The following SLC9A7 variants were observed in gnomAD, a reference collection of about 807,000 sequenced individuals.
SLC9A7 encodes solute carrier family 9 member A7.
SLC9A7 carries 19 observed loss-of-function variants against 52.6 expected under a neutral mutation model. The ratio of observed to expected loss-of-function variants is 0.36; its 90% CI spans 0.25 to 0.53. The LOEUF (loss-of-function observed/expected upper bound fraction) is 0.53. Among genes scored for constraint, SLC9A7 ranks in the 20% least tolerant of loss-of-function variants. The pLI is 0.91. For missense variants in SLC9A7, 455 were observed against 597.9 expected (o/e 0.76, Z 2.49); for synonymous variants, 226 against 252.1 (o/e 0.90, Z 0.98).
At chrX:46,746,186 G>A (rs1921755685) in intron 1 of SLC9A7, among the ~76,000 whole-genome samples, 1 of 110,122 alleles carries the variant, frequency 9.1e-6, no homozygotes, top group Admixed American at 9.8e-5. Context: ...AAAATTAGTT[G>A]GGCGTGGTGG....
In SLC9A7 at chrX:46,750,018, T is replaced by C. The variant is rs1367496400; in HGVS notation, c.325+8687A>G. ...ATCGCTTGAACCCAGGAGGCGGAGG[T>C]TGCAATGAGCAGAGACCGTGCCACT... is the stretch of plus-strand genomic sequence containing the variant. On this transcript the variant is annotated intron_variant, in intron 1 of 16. Coordinates refer to ENST00000616978, the MANE Select transcript of SLC9A7 (RefSeq NM_001257291.2). 2.8e-5 allele frequency among the ~76,000 whole-genome samples: 3 copies of C among 108,467 alleles called. No homozygotes were observed. The East Asian group carries it at 8.7e-4, about 31-fold the overall frequency. The allele number at this position is 108,467 out of a possible 115,157, so 94.2% of individuals were successfully genotyped here.
At chrX:46,625,827 T>C (rs758349272) in intron 14 of SLC9A7, among the ~76,000 whole-genome samples, 3 of 111,715 alleles carry the variant, frequency 2.7e-5, no homozygotes, top group Non-Finnish European at 5.7e-5. Context: ...GTTGCTGGCT[T>C]TGCAGCAAGA....
intron 1 of SLC9A7, among the ~76,000 whole-genome samples, chrX:46,712,588 C>T (rs1379808468): frequency 8.9e-6 from 1 of 111,763 alleles, no homozygotes; most frequent in African/African-American, 3.3e-5. Flanking sequence ...ATATCCAAAC[C>T]ATATCAGTTA....
rs1308511826 is a variant in SLC9A7, at chrX:46,638,334, CAT to C, written c.1617-2688_1617-2687del. Among the ~76,000 whole-genome samples the C allele has an allele frequency of 1.5e-4, 17 of 111,725 alleles. No homozygotes were observed. In the Admixed American group the frequency reaches 1.6e-3, roughly 11 times the overall value. Reference sequence around the variant, plus strand: ...TCTGGAAAAATGCAACGAGCTGACACATATATATTTTTCAGTAATGGCATTAT... The same window carrying C: ...TCTGGAAAAATGCAACGAGCTGACACATATATTTTTCAGTAATGGCATTAT... On this transcript the variant is annotated intron_variant, in intron 12 of 16. Transcript: ENST00000616978.
At chrX:46,613,476 C>G in intron 15 of SLC9A7, 82 bp from the exon 16 acceptor site, 1 of 675,609 alleles carries the variant, frequency 1.5e-6, no homozygotes, top group South Asian at 3.5e-5. Flanking sequence ...GCCCGACATT[C>G]CACCCACAAA....
chrX:46,724,236 C>T (rs1944909247), intron 1 of SLC9A7, among the ~76,000 whole-genome samples: 1 of 111,616 alleles, frequency 9.0e-6, no homozygotes, highest in African/African-American at 3.3e-5. Flanking sequence ...ACCATTACCT[C>T]AATTATTCCT....
intron 1 of SLC9A7, among the ~76,000 whole-genome samples, chrX:46,715,214 A>G (rs1944751566): frequency 8.9e-6 from 1 of 111,932 alleles, no homozygotes; most frequent in Non-Finnish European, 1.9e-5. Flanking sequence ...TTTTTAAAGT[A>G]TTTATTTATA....
intron 1 of SLC9A7, among the ~76,000 whole-genome samples, chrX:46,696,080 G>A (rs1209009968): frequency 1.8e-5 from 2 of 110,196 alleles, no homozygotes; most frequent in Non-Finnish European, 3.8e-5. Flanking sequence ...CCACCTCCTG[G>A]GTTCAAGCGA....
At position 46,754,716 on chromosome X, in the gene SLC9A7, C is replaced by G. The variant is rs149027133; in HGVS notation, c.325+3989G>C. Among the ~76,000 whole-genome samples the G allele has an allele frequency of 3.0e-3, 330 of 111,377 alleles. 2 individuals carry two copies. Among genetic ancestry groups the G allele is most frequent in the Middle Eastern group, 0.014 (3 of 218 alleles). Reference sequence around the variant, plus strand: ...TGGTGGAGGAGGAGGAAGCGAGAAGCAGGTGGTGGGTTAGCATGGCAGAGT... The same window carrying G: ...TGGTGGAGGAGGAGGAAGCGAGAAGGAGGTGGTGGGTTAGCATGGCAGAGT... On this transcript the variant is annotated intron_variant, in intron 1 of 16. Transcript: ENST00000616978.
chrX:46,713,841 T>G (rs192285851), intron 1 of SLC9A7, among the ~76,000 whole-genome samples: 1 of 110,392 alleles, frequency 9.1e-6, no homozygotes, highest in African/African-American at 3.3e-5. Context: ...TCAAAACGTT[T>G]TGGAGAAGTG....
intron 1 of SLC9A7, among the ~76,000 whole-genome samples, chrX:46,716,436 G>A (rs940926601): frequency 1.5e-4 from 17 of 111,645 alleles, no homozygotes; most frequent in African/African-American, 6.5e-5. Context: ...ACCCTGAGAC[G>A]ACTTAGGCAG....
At chrX:46,698,683 C>T (rs373643476) in intron 1 of SLC9A7, among the ~76,000 whole-genome samples, 3 of 112,114 alleles carry the variant, frequency 2.7e-5, no homozygotes, top group South Asian at 7.3e-4. Context: ...ATTTATATTC[C>T]AGTGCCTAAA....
chrX:46,723,790 A>G (rs1018400745), intron 1 of SLC9A7, among the ~76,000 whole-genome samples: 1 of 112,352 alleles, frequency 8.9e-6, no homozygotes, highest in African/African-American at 3.2e-5. Flanking sequence ...TGACTCAGTC[A>G]TAACAATGAC....
chrX:46,653,819 T>C, intron 7 of SLC9A7, 105 bp from the exon 8 acceptor site: 1 of 514,037 alleles, frequency 1.9e-6, no homozygotes. Context: ...AGCCTTTCCC[T>C]TCAACCTTTT....
At chrX:46,725,128 G>T (rs1944921628) in intron 1 of SLC9A7, 3 of 635,796 alleles carry the variant, frequency 4.7e-6, no homozygotes, top group Non-Finnish European at 8.0e-6. Context: ...ATATGTGTTT[G>T]TTTTACAAGA....
At chrX:46,649,070 A>ATATCTATATATCTATCTATC (rs1943540724) in intron 10 of SLC9A7, among the ~76,000 whole-genome samples, 1 of 105,365 alleles carries the variant, frequency 9.5e-6, no homozygotes, top group African/African-American at 3.5e-5. Context: ...AATTCAACTG[A>ATATCTATATATCTATCTATC]TATCTATCTA....
intron 7 of SLC9A7, among the ~76,000 whole-genome samples, chrX:46,661,236 G>T (rs1162750823): frequency 1.8e-5 from 2 of 109,377 alleles, no homozygotes; most frequent in African/African-American, 3.3e-5. Flanking sequence ...GTGGGGGAAG[G>T]GGGGAGGGAT....
At chrX:46,708,958 C>T in intron 1 of SLC9A7, among the ~76,000 whole-genome samples, 1 of 111,703 alleles carries the variant, frequency 9.0e-6, no homozygotes, top group Non-Finnish European at 1.9e-5. Flanking sequence ...ATAGGGCTTA[C>T]ATTCTAGCAG....
intron 1 of SLC9A7, among the ~76,000 whole-genome samples, chrX:46,739,576 G>C (rs1177190540): frequency 9.0e-6 from 1 of 110,700 alleles, no homozygotes; most frequent in African/African-American, 3.3e-5. Flanking sequence ...CCTCATTCCT[G>C]GGCTCTGGTA....
Sources: gnomAD v4.1 joint callset for allele counts (sites outside exome capture counted in the v4.1 genomes callset) on GRCh38, gnomAD v4.1.1 for gene constraint, MANE v1.5 for transcripts, NCBI Gene and HGNC (gene_info 2026-07-23, HGNC 2026-07-21) for gene names.